LRRC3C: variants seen among roughly 807,000 people sequenced by gnomAD.
LRRC3C encodes the protein leucine rich repeat containing 3C, also known as leucine-rich repeat-containing protein 3C.
In LRRC3C, 11 loss-of-function variants were observed where a neutral mutation model predicts 14.8. The ratio of observed to expected loss-of-function variants is 0.74; its 90% CI spans 0.47 to 1.23. LRRC3C has a LOEUF of 1.23. Among genes scored for constraint, LRRC3C ranks in the 50% most tolerant of loss-of-function variants. The pLI, the probability that LRRC3C is intolerant of heterozygous loss-of-function variation, is 0.00. For synonymous variants in LRRC3C, 149 were observed against 161.5 expected (o/e 0.92, Z 0.59); for missense variants, 354 against 361.8 (o/e 0.98, Z 0.18).
chr17:39,933,964 G>T (rs958537676), intron 1 of LRRC3C, among the ~76,000 whole-genome samples: 14 of 152,222 alleles, frequency 9.2e-5, no homozygotes, highest in African/African-American at 3.4e-4. Flanking sequence ...AGAAGGAGGG[G>T]GAGGGGAAGG....
intron 1 of LRRC3C, among the ~76,000 whole-genome samples, chr17:39,931,526 T>A (rs1315222743): frequency 2.0e-5 from 3 of 151,790 alleles, no homozygotes; most frequent in Non-Finnish European, 2.9e-5. Context: ...ATACAGTGAT[T>A]GCATTTGCTT....
rs1281330358 is a variant in LRRC3C, at chr17:39,944,539, G to C, written c.633G>C (p.Gly211=). 6.6e-7 allele frequency: 1 copy of C among 1,511,196 alleles called. No homozygotes were observed. Among genetic ancestry groups the C allele is most frequent in the African/African-American group, 1.4e-5 (1 of 72,554 alleles). The allele number at this position is 1,511,196 out of a possible 1,614,324, so 93.6% of individuals were successfully genotyped here. A position where few individuals can be genotyped will look rare whatever the true frequency, so the allele number is the denominator to read the frequency against. The stretch of plus-strand genomic sequence containing the variant: ...TGGCAGGGGAGGAAGAGCTGTGTGG[G>C]TCGGGGTGGGGTGGGGCCCGGAGGA... ...LLLAGEEELC[G]SGWGGARRST... The change falls in exon 4 of 4, where the codon GGG becomes GGC. Residue 211 remains glycine, a synonymous_variant. Transcript: ENST00000377924.
At chr17:39,937,476 C>G (rs765378761) in intron 2 of LRRC3C, among the ~76,000 whole-genome samples, 1 of 151,838 alleles carries the variant, frequency 6.6e-6, no homozygotes, top group Non-Finnish European at 1.5e-5. Context: ...CTAAATAAAA[C>G]CTTTTTAATC....
chr17:39,939,403 T>G, intron 2 of LRRC3C: 4 of 985,426 alleles, frequency 4.1e-6, no homozygotes, highest in Non-Finnish European at 4.8e-6. Context: ...TGTCTGTGCC[T>G]CCCTCCAGAC....
chr17:39,941,742 G>A (rs796112939), intron 3 of LRRC3C, among the ~76,000 whole-genome samples, 193 bp downstream of exon 3: 8 of 152,306 alleles, frequency 5.3e-5, no homozygotes, highest in African/African-American at 1.7e-4. Flanking sequence ...AGCAGGCAAT[G>A]GAAAGTGGTT....
chr17:39,932,537 C>T (rs574059739), intron 1 of LRRC3C, among the ~76,000 whole-genome samples: 1 of 137,538 alleles, frequency 7.3e-6, no homozygotes, highest in Non-Finnish European at 1.6e-5. Context: ...ACCCCCCCCC[C>T]ACCCAACCAC....
intron 1 of LRRC3C, among the ~76,000 whole-genome samples, chr17:39,928,628 T>G (rs1978556242): frequency 6.6e-6 from 1 of 152,254 alleles, no homozygotes; most frequent in South Asian, 2.1e-4. Flanking sequence ...CTTACCCAGC[T>G]TCTTTCTAAG....
rs1397596273 is a variant in LRRC3C at position 39,941,530 on chromosome 17, A to G, written c.7A>G (p.Met3Val). Residue 3 changes from methionine to valine, a missense_variant, in exon 3 of 4, where the codon ATG (methionine) becomes GTG (valine). Coordinates refer to ENST00000377924, the MANE Select transcript of LRRC3C (RefSeq NM_001195545.2). MR[M>V]TSSSFVSYCT... ...CTTCTCAGAAAGGTCTCCAATGCGTATGACCTCATCTTCCTTCGTGTAAGT... is the reference window on the plus strand; with the variant it reads ...CTTCTCAGAAAGGTCTCCAATGCGTGTGACCTCATCTTCCTTCGTGTAAGT... The G allele has an allele frequency of 1.3e-6, 2 of 1,535,790 alleles. No individual in the cohort carries two copies. Among genetic ancestry groups the G allele is most frequent in the Non-Finnish European group, 1.7e-6 (2 of 1,146,750 alleles).
chr17:39,932,166 A>G (rs1390620202), intron 1 of LRRC3C, among the ~76,000 whole-genome samples: 1 of 152,164 alleles, frequency 6.6e-6, no homozygotes, highest in African/African-American at 2.4e-5. Flanking sequence ...CTCGTTGCTA[A>G]AAGAATTGGC....
At chr17:39,935,696 GC>G in intron 1 of LRRC3C, 105 bp from the exon 2 acceptor site, 2 of 419,738 alleles carry the variant, frequency 4.8e-6, no homozygotes, top group Non-Finnish European at 3.2e-6. Flanking sequence ...TGCCTAAGAG[GC>G]CCTGGTACAC....
chr17:39,938,937 G>C (rs945594394), intron 2 of LRRC3C, among the ~76,000 whole-genome samples: 7 of 150,860 alleles, frequency 4.6e-5, no homozygotes, highest in Non-Finnish European at 7.4e-5. Context: ...AGTGAAGCGA[G>C]ATCATGCAAT....
At position 39,944,260 on chromosome 17, in the gene LRRC3C, C is replaced by G; in HGVS notation, c.354C>G (p.Leu118=). ...LDLSHNALAH[L]SGAAFQGLEG... ...TGTCCCATAATGCCCTTGCCCACCT[C>G]TCAGGGGCGGCTTTCCAGGGCCTGG... The change falls in exon 4 of 4, where the codon CTC becomes CTG. Residue 118 remains leucine, a synonymous_variant. Coordinates refer to ENST00000377924, the MANE Select transcript of LRRC3C (RefSeq NM_001195545.2). The G allele has an allele frequency of 6.5e-7, 1 of 1,534,938 alleles. No individual in the cohort carries two copies. The highest frequency in any genetic ancestry group is 8.7e-7 in the Non-Finnish European group (1 of 1,146,308).
intron 2 of LRRC3C, 57 bp downstream of exon 2, chr17:39,935,951 C>T: frequency 3.2e-6 from 3 of 932,488 alleles, no homozygotes; most frequent in Non-Finnish European, 3.8e-6. Context: ...ATCTATCTAT[C>T]TTTTTCCTTT....
rs1480303705 is a variant in LRRC3C, at chr17:39,944,784, C to A, written c.*50C>A. 6.7e-7 allele frequency: 1 copy of A among 1,493,198 alleles called. No homozygotes were observed. The highest frequency in any genetic ancestry group is 1.2e-5 in the South Asian group (1 of 80,716). The allele number at this position is 1,493,198 out of a possible 1,614,324, so 92.5% of individuals were successfully genotyped here. On this transcript the variant is annotated 3_prime_UTR_variant, in exon 4 of 4. Transcript: ENST00000377924. The stretch of plus-strand genomic sequence containing the variant: ...CACCCCACACTCCTGCCCCTATGCC[C>A]TCTCCTTTGCTCTGACCCCCTCTGC...
chr17:39,939,978 G>A (rs1978895059), intron 2 of LRRC3C, among the ~76,000 whole-genome samples: 1 of 152,214 alleles, frequency 6.6e-6, no homozygotes, highest in South Asian at 2.1e-4. Context: ...CCCCTGCCCA[G>A]TGTGAGAGAG....
chr17:39,935,702 G>A, intron 1 of LRRC3C, 100 bp from the exon 2 acceptor site: 1 of 486,640 alleles, frequency 2.1e-6, no homozygotes, highest in Non-Finnish European at 2.7e-6. Flanking sequence ...AGAGGCCCTG[G>A]TACACAGTAC....
In LRRC3C at chr17:39,944,848, AC is replaced by A; in HGVS notation, c.*118del. On this transcript the variant is annotated 3_prime_UTR_variant, in exon 4 of 4. Coordinates refer to ENST00000377924, the MANE Select transcript of LRRC3C (RefSeq NM_001195545.2). ...TCACCCCTGCCCCCAAGCCCATCCCACCCCTCCCTCCTTTATTCCCCCTAAA... is the reference window on the plus strand; with the variant it reads ...TCACCCCTGCCCCCAAGCCCATCCCACCCTCCCTCCTTTATTCCCCCTAAA... The A allele has an allele frequency of 1.4e-6, 1 of 725,820 alleles. No individual in the cohort carries two copies. The highest frequency in any genetic ancestry group is 2.0e-6 in the Non-Finnish European group (1 of 495,296). 45.0% of individuals were successfully genotyped at this position (725,820 alleles called of 1,614,324 possible).
At position 39,944,325 on chromosome 17, in the gene LRRC3C, TG is replaced by T; in HGVS notation, c.421del (p.Ala141ProfsTer15). On this transcript the variant is annotated frameshift_variant, in exon 4 of 4. Coordinates refer to ENST00000377924, the MANE Select transcript of LRRC3C (RefSeq NM_001195545.2). LOFTEE classifies it high-confidence loss of function. The part of the protein sequence containing the change: ...LRHLDLSANQ[L>X]ASVPVEAFVG... ...CACCTCGACCTCTCTGCCAACCAGC[TG>T]GCCTCAGTGCCCGTGGAGGCCTTTG... 3.3e-6 allele frequency: 5 copies of T among 1,535,612 alleles called. No homozygotes were observed. Among genetic ancestry groups the T allele is most frequent in the Non-Finnish European group, 2.6e-6 (3 of 1,146,756 alleles).
intron 1 of LRRC3C, among the ~76,000 whole-genome samples, chr17:39,930,020 T>A (rs1031764771): frequency 1.3e-5 from 2 of 152,112 alleles, no homozygotes; most frequent in African/African-American, 4.8e-5. Flanking sequence ...CCAGGTATGG[T>A]GACTCACGCC....
Sources: gnomAD v4.1 joint callset for allele counts (sites outside exome capture counted in the v4.1 genomes callset) on GRCh38, gnomAD v4.1.1 for gene constraint, MANE v1.5 for transcripts, NCBI Gene and HGNC (gene_info 2026-07-23, HGNC 2026-07-21) for gene names.